CERS6: variants seen among roughly 807,000 people sequenced by gnomAD.
The protein encoded by CERS6 is LAG1 homolog, ceramide synthase 6.
Under a neutral mutation model 56.8 loss-of-function variants are expected in CERS6, and 26 were observed. The observed-to-expected ratio is 0.46, with a 90% CI of 0.34 to 0.63. The LOEUF (loss-of-function observed/expected upper bound fraction) is 0.63. Among genes scored for constraint, CERS6 ranks in the 30% least tolerant of loss-of-function variants. CERS6 has a pLI of 0.01. For synonymous variants in CERS6, 164 were observed against 173.3 expected (o/e 0.95, Z 0.42); for missense variants, 415 against 467.5 (o/e 0.89, Z 1.04).
At chr2:168,484,483 TG>T (rs1694240353) in intron 1 of CERS6, among the ~76,000 whole-genome samples, 1 of 147,552 alleles carries the variant, frequency 6.8e-6, no homozygotes, top group African/African-American at 2.4e-5. Flanking sequence ...TGCTTCGCTT[TG>T]TTTTTTTTTT....
At chr2:168,645,700 C>T (rs957955585) in intron 4 of CERS6, among the ~76,000 whole-genome samples, 4 of 152,136 alleles carry the variant, frequency 2.6e-5, no homozygotes, top group Non-Finnish European at 4.4e-5. Flanking sequence ...CACCCACCAC[C>T]GTCAGGGAGG....
At chr2:168,499,553 C>T (rs1694541381) in intron 1 of CERS6, among the ~76,000 whole-genome samples, 1 of 152,016 alleles carries the variant, frequency 6.6e-6, no homozygotes, top group African/African-American at 2.4e-5. Context: ...TTCTTGTAAC[C>T]CTTTGGCTTG....
intron 3 of CERS6, among the ~76,000 whole-genome samples, chr2:168,585,793 G>A (rs1049391401): frequency 1.3e-5 from 2 of 152,172 alleles, no homozygotes; most frequent in Non-Finnish European, 2.9e-5. Context: ...CAGAAAAATA[G>A]GTGGGCTGGT....
At chr2:168,495,192 T>C (rs1467420929) in intron 1 of CERS6, among the ~76,000 whole-genome samples, 2 of 152,182 alleles carry the variant, frequency 1.3e-5, no homozygotes, top group African/African-American at 4.8e-5. Context: ...TGATTGTGAA[T>C]TGTACCTAGT....
chr2:168,472,468 T>A (rs1693994553), intron 1 of CERS6, among the ~76,000 whole-genome samples: 1 of 152,318 alleles, frequency 6.6e-6, no homozygotes, highest in South Asian at 2.1e-4. Flanking sequence ...CTGGTACTTG[T>A]CATTACCAAT....
At chr2:168,768,904 CAAA>C (rs765504573) in intron 9 of CERS6, among the ~76,000 whole-genome samples, 1 of 59,402 alleles carries the variant, frequency 1.7e-5, no homozygotes, top group Admixed American at 1.8e-4. Context: ...GACTCTGACT[CAAA>C]AAAAAAAAAA....
chr2:168,611,945 G>T (rs1336784385), intron 3 of CERS6, among the ~76,000 whole-genome samples: 1 of 152,102 alleles, frequency 6.6e-6, no homozygotes, highest in East Asian at 1.9e-4. Flanking sequence ...ATTGTAGTTG[G>T]TAGTTTGTCT....
At chr2:168,465,360 C>T (rs993827400) in intron 1 of CERS6, among the ~76,000 whole-genome samples, 4 of 152,128 alleles carry the variant, frequency 2.6e-5, no homozygotes, top group Non-Finnish European at 5.9e-5. Context: ...TCTCACATCA[C>T]GGAAGGGGCG....
In CERS6 at chr2:168,608,115, A is replaced by C. The variant is rs1273747377; in HGVS notation, c.408-22870A>C. On this transcript the variant is annotated intron_variant, in intron 3 of 9. Transcript: ENST00000305747. ...TCTGTCGCAATAGATTTGCCTTTTC[A>C]GAACATTTCATATAAGTGGAATCAC... 2.6e-5 allele frequency among the ~76,000 whole-genome samples: 4 copies of C among 152,224 alleles called. No homozygotes were observed. The South Asian group carries it at 8.3e-4, about 32-fold the overall frequency.
At chr2:168,458,978 T>C (rs1006621589) in intron 1 of CERS6, among the ~76,000 whole-genome samples, 2 of 152,230 alleles carry the variant, frequency 1.3e-5, no homozygotes, top group African/African-American at 4.8e-5. Flanking sequence ...CCATTCAGTA[T>C]TATCACTGCT....
At chr2:168,738,974 C>T (rs1683804224) in intron 8 of CERS6, among the ~76,000 whole-genome samples, 1 of 151,980 alleles carries the variant, frequency 6.6e-6, no homozygotes, top group Non-Finnish European at 1.5e-5. Context: ...CAACCTCCAC[C>T]TCCCGGCTTC....
At position 168,734,315 on chromosome 2, in the gene CERS6, G is replaced by T. The variant is rs150558542; in HGVS notation, c.845+16337G>T. Among the ~76,000 whole-genome samples the T allele has an allele frequency of 2.1e-3, 314 of 152,246 alleles. 1 individual carries two copies. The highest frequency in any genetic ancestry group is 7.4e-3 in the African/African-American group (307 of 41,546). ...AGATGCCCAGGAAAGACATGCCTTG[G>T]CTCACACCCTGGGGCAGATTCTGAG... On this transcript the variant is annotated intron_variant, in intron 8 of 9. Coordinates refer to ENST00000305747, the MANE Select transcript of CERS6 (RefSeq NM_203463.3).
chr2:168,490,588 A>G (rs953750601), intron 1 of CERS6, among the ~76,000 whole-genome samples: 3 of 152,172 alleles, frequency 2.0e-5, no homozygotes, highest in Non-Finnish European at 4.4e-5. Flanking sequence ...TTGAGTATCG[A>G]GCACATGCTT....
At chr2:168,519,681 C>T (rs1231074705) in intron 1 of CERS6, among the ~76,000 whole-genome samples, 1 of 152,216 alleles carries the variant, frequency 6.6e-6, no homozygotes, top group Non-Finnish European at 1.5e-5. Context: ...TAATGCCCTC[C>T]AGCTACATCA....
At chr2:168,498,308 C>T (rs1412748938) in intron 1 of CERS6, among the ~76,000 whole-genome samples, 3 of 152,058 alleles carry the variant, frequency 2.0e-5, no homozygotes, top group Non-Finnish European at 4.4e-5. Context: ...TGAATCCTGG[C>T]CTTTTGGTGT....
chr2:168,670,975 C>A (rs375984013), intron 4 of CERS6, among the ~76,000 whole-genome samples: 3,968 of 70,054 alleles, frequency 0.057, 693 homozygotes, highest in African/African-American at 0.13. Flanking sequence ...TTCCCCCCCC[C>A]CCCCCAGACG....
intron 3 of CERS6, among the ~76,000 whole-genome samples, chr2:168,604,707 C>T (rs1251475573): frequency 2.0e-5 from 3 of 152,108 alleles, no homozygotes; most frequent in African/African-American, 4.8e-5. Context: ...CTCTCTCTCT[C>T]GCTCCTGCTT....
intron 1 of CERS6, among the ~76,000 whole-genome samples, chr2:168,494,809 C>T (rs1223068075): frequency 6.6e-6 from 1 of 152,150 alleles, no homozygotes; most frequent in Admixed American, 6.6e-5. Context: ...CCCCTAGTGA[C>T]CTCCACCTGG....
intron 4 of CERS6, among the ~76,000 whole-genome samples, chr2:168,651,315 C>T (rs936572098): frequency 1.3e-5 from 2 of 152,128 alleles, no homozygotes; most frequent in African/African-American, 4.8e-5. Flanking sequence ...AACCAAGCCA[C>T]ATGTTTATTT....
Sources: gnomAD v4.1 joint callset for allele counts (sites outside exome capture counted in the v4.1 genomes callset) on GRCh38, gnomAD v4.1.1 for gene constraint, MANE v1.5 for transcripts, NCBI Gene and HGNC (gene_info 2026-07-23, HGNC 2026-07-21) for gene names.